FAM78B: variants seen among roughly 807,000 people sequenced by gnomAD.
FAM78B encodes family with sequence similarity 78 member B, also known as protein FAM78B.
A neutral mutation model predicts 20.0 loss-of-function variants in FAM78B; 10 were observed. That is an observed-to-expected ratio of 0.50 (90% CI 0.31 to 0.85). FAM78B has a LOEUF of 0.85. Among genes scored for constraint, FAM78B ranks in the 40% least tolerant of loss-of-function variants. FAM78B has a pLI of 0.05. For missense variants in FAM78B, 283 were observed against 345.0 expected, an observed-to-expected ratio of 0.82 and a Z score of 1.42; for synonymous variants, 135 against 132.8, an observed-to-expected ratio of 1.02 and a Z score of -0.12.
chr1:166,158,992 C>T (rs1037682863), intron 1 of FAM78B, among the ~76,000 whole-genome samples: 2 of 152,228 alleles, frequency 1.3e-5, no homozygotes, highest in Non-Finnish European at 2.9e-5. Context: ...GAAGTTGTGG[C>T]CCCTCTGTTA....
intron 1 of FAM78B, among the ~76,000 whole-genome samples, chr1:166,072,677 C>T (rs1014841465): frequency 4.6e-5 from 7 of 152,100 alleles, no homozygotes; most frequent in African/African-American, 1.7e-4. Flanking sequence ...TCCTGTGTTG[C>T]CTAAATCTTG....
At chr1:166,078,302 T>C (rs1368908274) in intron 1 of FAM78B, among the ~76,000 whole-genome samples, 7 of 152,092 alleles carry the variant, frequency 4.6e-5, no homozygotes. Flanking sequence ...GTGCTGGGAT[T>C]ACAGGCGTGA....
chr1:166,110,689 G>A (rs1442007647), intron 1 of FAM78B, among the ~76,000 whole-genome samples: 1 of 152,156 alleles, frequency 6.6e-6, no homozygotes, highest in Non-Finnish European at 1.5e-5. Flanking sequence ...GAGACCTGAG[G>A]AGTCTCTGCT....
intron 1 of FAM78B, 67 bp downstream of exon 1, chr1:166,165,919 G>A: frequency 6.3e-7 from 1 of 1,593,190 alleles, no homozygotes; most frequent in South Asian, 1.1e-5. Flanking sequence ...CTGGGGAGGG[G>A]GGTCAAGGTG....
intron 1 of FAM78B, among the ~76,000 whole-genome samples, chr1:166,102,662 C>T (rs546381590): frequency 2.3e-4 from 35 of 152,294 alleles, no homozygotes; most frequent in African/African-American, 7.9e-4. Flanking sequence ...AGCTAACTAT[C>T]CTAAATATAT....
chr1:166,095,830 G>A (rs74936009), intron 1 of FAM78B, among the ~76,000 whole-genome samples: 4,138 of 152,276 alleles, frequency 0.027, 256 homozygotes, highest in Admixed American at 0.14. Flanking sequence ...GTGACGAGTA[G>A]GGGGGCAACA....
At position 166,166,846 on chromosome 1, in the gene FAM78B, C is replaced by T. The variant is rs1165003983; in HGVS notation, c.-598G>A. The T allele has an allele frequency of 6.6e-6, 1 of 151,122 alleles. No individual in the cohort carries two copies. The highest frequency in any genetic ancestry group is 2.4e-5 in the African/African-American group (1 of 41,296). 9.4% of individuals were successfully genotyped at this position (151,122 alleles called of 1,614,324 possible). On this transcript the variant is annotated 5_prime_UTR_variant, in exon 1 of 2. Coordinates refer to ENST00000354422, the MANE Select transcript of FAM78B (RefSeq NM_001017961.5). ...AGCGGCGGCGGCGGCGACCGGAGCT[C>T]CCGCCGGCCCCGCCCCGTAGCCGGA...
chr1:166,162,944 C>G (rs1329934431), intron 1 of FAM78B, among the ~76,000 whole-genome samples: 1 of 152,186 alleles, frequency 6.6e-6, no homozygotes, highest in Non-Finnish European at 1.5e-5. Context: ...ACCTTGAGTC[C>G]ATTCACCTCT....
rs147112186 is a variant in FAM78B at position 166,081,314 on chromosome 1, G to A, written c.264-10551C>T. 1.2e-4 allele frequency: 19 copies of A among 152,314 alleles called. No homozygotes were observed. In the East Asian group the frequency reaches 3.5e-3, roughly 28 times the overall value. 9.4% of individuals were successfully genotyped at this position (152,314 alleles called of 1,614,324 possible). On this transcript the variant is annotated intron_variant, in intron 1 of 1. Transcript: ENST00000354422. Reference sequence around the variant, plus strand: ...TGTATTTAACCTTCACCACGTGGAGGTCAGGTTACCTTGTGCCCTCTAAGT... The same window carrying A: ...TGTATTTAACCTTCACCACGTGGAGATCAGGTTACCTTGTGCCCTCTAAGT...
At chr1:166,165,421 C>A (rs1421154103) in intron 1 of FAM78B, among the ~76,000 whole-genome samples, 1 of 152,128 alleles carries the variant, frequency 6.6e-6, no homozygotes, top group East Asian at 1.9e-4. Flanking sequence ...TGGTTCCAGA[C>A]GGAAACGCCT....
intron 1 of FAM78B, among the ~76,000 whole-genome samples, chr1:166,138,887 G>C (rs1207457331): frequency 6.6e-6 from 1 of 152,094 alleles, no homozygotes; most frequent in Non-Finnish European, 1.5e-5. Context: ...ATTAATAATT[G>C]GTCTTATTTA....
At chr1:166,076,367 T>G (rs569069754) in intron 1 of FAM78B, among the ~76,000 whole-genome samples, 1 of 152,272 alleles carries the variant, frequency 6.6e-6, no homozygotes, top group South Asian at 2.1e-4. Context: ...CCTGAGGGCC[T>G]TTGCACTTAC....
chr1:166,111,736 C>G (rs1331131749), intron 1 of FAM78B, among the ~76,000 whole-genome samples: 1 of 152,164 alleles, frequency 6.6e-6, no homozygotes, highest in Admixed American at 6.5e-5. Flanking sequence ...TGCAGGTCAT[C>G]AAAGTTCACA....
intron 1 of FAM78B, among the ~76,000 whole-genome samples, chr1:166,105,086 CA>C (rs1157840300): frequency 1.3e-5 from 2 of 151,850 alleles, no homozygotes; most frequent in African/African-American, 4.8e-5. Flanking sequence ...ACAAACCTGA[CA>C]AAAACAAGCA....
chr1:166,156,268 C>A (rs559292443), intron 1 of FAM78B, among the ~76,000 whole-genome samples: 21 of 152,326 alleles, frequency 1.4e-4, no homozygotes, highest in African/African-American at 5.1e-4. Flanking sequence ...TTTCTCTTTG[C>A]GCTTGTTGAA....
chr1:166,165,391 A>C (rs1389363943), intron 1 of FAM78B, among the ~76,000 whole-genome samples: 1 of 152,056 alleles, frequency 6.6e-6, no homozygotes, highest in African/African-American at 2.4e-5. Context: ...GGAAACAGAG[A>C]GGCAACTGTG....
rs149329752 is a variant in FAM78B, at chr1:166,116,915, C to T, written c.264-46152G>A. Among the ~76,000 whole-genome samples, 511 of 152,324 alleles carry T rather than the reference C, an allele frequency of 3.4e-3. 3 individuals are homozygous for T. The highest frequency in any genetic ancestry group is 0.012 in the African/African-American group (484 of 41,586). ...TCCAGCCTTCTAGGATCCCATGACGCTTTGTCTCTAATGGCAGCGCCCTGC... is the reference window on the plus strand; with the variant it reads ...TCCAGCCTTCTAGGATCCCATGACGTTTTGTCTCTAATGGCAGCGCCCTGC... On this transcript the variant is annotated intron_variant, in intron 1 of 1. Transcript: ENST00000354422.
intron 1 of FAM78B, among the ~76,000 whole-genome samples, chr1:166,130,390 C>T (rs747523615): frequency 4.6e-5 from 7 of 152,216 alleles, no homozygotes; most frequent in Non-Finnish European, 7.3e-5. Flanking sequence ...AGGAGGAAGA[C>T]AACCATGATG....
intron 1 of FAM78B, among the ~76,000 whole-genome samples, chr1:166,121,807 G>GT (rs1362914612): frequency 6.6e-6 from 1 of 152,160 alleles, no homozygotes; most frequent in Non-Finnish European, 1.5e-5. Context: ...GCCCAAAGTC[G>GT]TAAGTGATGG....
Sources: allele counts gnomAD v4.1 joint callset (sites outside exome capture counted in the v4.1 genomes callset), GRCh38; gene constraint gnomAD v4.1.1; transcripts MANE v1.5; gene names NCBI Gene and HGNC (gene_info 2026-07-23, HGNC 2026-07-21).